Variants in TLE7 observed in about 807,000 individuals in gnomAD.
The protein encoded by TLE7 is transducin-like enhancer protein 7.
chr16:71,430,617 G>T, intron 9 of TLE7, 51 bp downstream of exon 9: 1 of 398,356 alleles, frequency 2.5e-6, no homozygotes, highest in South Asian at 1.3e-4. Context: ...CTGGGACCTG[G>T]AGCTACAAGC....
chr16:71,438,227 G>A (rs924895480), intron 1 of TLE7, among the ~76,000 whole-genome samples: 1 of 152,026 alleles, frequency 6.6e-6, no homozygotes, highest in Non-Finnish European at 1.5e-5. Context: ...GAGGTCACGA[G>A]TTCGAGACCA....
At position 71,431,398 on chromosome 16, in the gene TLE7, G is replaced by A; in HGVS notation, c.993+23C>T. On this transcript the variant is annotated intron_variant, in intron 7 of 9. Coordinates refer to ENST00000561754, the MANE Select transcript of TLE7 (RefSeq NM_001367365.2). This position sits in a 1 kb window ranked among gnomAD's most constrained non-coding sequence, Gnocchi z 4.5. ...ATGGCTCCACTACAGGTGGCATTCT[G>A]CCAGTGGTGGCCAGCCGGGCACCTC... The A allele has an allele frequency of 2.5e-6, 1 of 400,426 alleles. No individual in the cohort carries two copies. The allele number at this position is 400,426 out of a possible 1,614,324, so 24.8% of individuals were successfully genotyped here.
chr16:71,437,461 GGAGAA>G (rs141786069), intron 1 of TLE7, among the ~76,000 whole-genome samples: 21,557 of 150,658 alleles, frequency 0.14, 1,728 homozygotes, highest in Non-Finnish European at 0.18. Context: ...GAAAGAGAAG[GGAGAA>G]GAGAAGAGAA....
Position 71,431,989 on chromosome 16 carries a change from C to T in TLE7, c.623G>A (p.Arg208His), listed in dbSNP as rs1344756307. 7 of 400,784 alleles carry T rather than the reference C, an allele frequency of 1.7e-5. No individual in the cohort carries two copies. Among genetic ancestry groups the T allele is most frequent in the Non-Finnish European group, 3.1e-5 (7 of 226,268 alleles). The allele number at this position is 400,784 out of a possible 1,614,324, so 24.8% of individuals were successfully genotyped here. A position where few individuals can be genotyped will look rare whatever the true frequency, so the allele number is the denominator to read the frequency against. ...AQLDLQHPQD[R>H]VVTCKLFPDE... The stretch of plus-strand genomic sequence containing the variant: ...AGGGAACAGCTTGCAGGTAACAACA[C>T]GGTCCTGGGGATGCTGTAAGGAAGG... Residue 208 changes from arginine to histidine, a missense_variant, in exon 6 of 10, where the codon CGT (arginine) becomes CAT (histidine). By Grantham distance (29) the Arg-to-His change is conservative. Coordinates refer to ENST00000561754, the MANE Select transcript of TLE7 (RefSeq NM_001367365.2). The surrounding 1 kb of genome is among the most constrained non-coding windows in gnomAD (Gnocchi z 4.5).
Position 71,431,998 on chromosome 16 carries a change from G to A in TLE7, c.614C>T (p.Pro205Leu), listed in dbSNP as rs2042806326. ...APRAQLDLQH[P>L]QDRVVTCKLF... The stretch of plus-strand genomic sequence containing the variant: ...CTTGCAGGTAACAACACGGTCCTGG[G>A]GATGCTGTAAGGAAGGGTTCACACA... Residue 205 changes from proline to leucine, a missense_variant, in exon 6 of 10, where the codon CCC (proline) becomes CTC (leucine). Physicochemically the swap from Pro to Leu is moderately conservative, Grantham distance 98. Coordinates refer to ENST00000561754, the MANE Select transcript of TLE7 (RefSeq NM_001367365.2). This position sits in a 1 kb window ranked among gnomAD's most constrained non-coding sequence, Gnocchi z 4.5. 3 of 400,698 alleles carry A rather than the reference G, an allele frequency of 7.5e-6. No homozygotes were observed. In the Admixed American group the frequency reaches 1.3e-4, roughly 18 times the overall value. 24.8% of individuals were successfully genotyped at this position (400,698 alleles called of 1,614,324 possible).
rs1002272984 is a variant in TLE7 at position 71,431,251 on chromosome 16, G to A, written c.1017C>T (p.Pro339=). The A allele has an allele frequency of 3.5e-5, 14 of 399,998 alleles. No homozygotes were observed. Among genetic ancestry groups the A allele is most frequent in the East Asian group, 1.8e-4 (5 of 28,086 alleles). 24.8% of individuals were successfully genotyped at this position (399,998 alleles called of 1,614,324 possible). ...GGCCCGCCAATACCCATTCTTCACCGGGGTCGTGGGTAATGCTGAGGATCT... is the reference window on the plus strand; with the variant it reads ...GGCCCGCCAATACCCATTCTTCACCAGGGTCGTGGGTAATGCTGAGGATCT... ...QNEILSITHD[P]GEEWVLAGLR... Residue 339 remains proline (P), a synonymous_variant, in exon 8 of 10, where the codon CCC becomes CCT. Transcript: ENST00000561754. This position sits in a 1 kb window ranked among gnomAD's most constrained non-coding sequence, Gnocchi z 4.5.
chr16:71,432,563 C>A (rs1447095651), intron 4 of TLE7, 102 bp downstream of exon 4: 2 of 398,194 alleles, frequency 5.0e-6, no homozygotes, highest in Non-Finnish European at 4.4e-6. Flanking sequence ...GCCCAGGACA[C>A]CCCCCTACCT....
intron 1 of TLE7, among the ~76,000 whole-genome samples, chr16:71,440,109 A>G (rs912378504): frequency 6.6e-6 from 1 of 152,278 alleles, no homozygotes; most frequent in Non-Finnish European, 1.5e-5. Context: ...CAAAAGGCCA[A>G]TACTGCATGA....
intron 1 of TLE7, among the ~76,000 whole-genome samples, chr16:71,437,543 C>T (rs189873404): frequency 7.0e-6 from 1 of 143,048 alleles, no homozygotes; most frequent in East Asian, 1.9e-4. Context: ...CTAACAAGTT[C>T]CCGATGTGTT....
At position 71,438,681 on chromosome 16, in the gene TLE7, C is replaced by CAAA. The variant is rs71389663; in HGVS notation, c.-97+3285_-97+3287dup. ...TGGGTATCAGGGTGAGACTCCATCTCAAAAAAAAAAAAAAAAAAAGCGAAA... is the reference window on the plus strand; with the variant it reads ...TGGGTATCAGGGTGAGACTCCATCTCAAAAAAAAAAAAAAAAAAAAAAGCGAAA... On this transcript the variant is annotated intron_variant, in intron 1 of 9. Coordinates refer to ENST00000561754, the MANE Select transcript of TLE7 (RefSeq NM_001367365.2). 7.0e-3 allele frequency among the ~76,000 whole-genome samples: 458 copies of CAAA among 65,692 alleles called. 15 individuals carry two copies. Among genetic ancestry groups the CAAA allele is most frequent in the African/African-American group, 0.021 (421 of 19,864 alleles). The allele number at this position is 65,692 out of a possible 152,430, so 43.1% of individuals were successfully genotyped here. A position where few individuals can be genotyped will look rare whatever the true frequency, so the allele number is the denominator to read the frequency against.
At chr16:71,439,216 G>T (rs754009590) in intron 1 of TLE7, among the ~76,000 whole-genome samples, 1 of 152,168 alleles carries the variant, frequency 6.6e-6, no homozygotes, top group Non-Finnish European at 1.5e-5. Flanking sequence ...TAAAGGGGTG[G>T]GGTGTGTGAG....
rs572119666 is a variant in TLE7 at position 71,432,630 on chromosome 16, A to G, written c.393+35T>C. ...GTTTCTTGATTGGGGGTAGGTGGGAAAGGAAGGATCCTGAGTATGAAGTTG... is the reference window on the plus strand; with the variant it reads ...GTTTCTTGATTGGGGGTAGGTGGGAGAGGAAGGATCCTGAGTATGAAGTTG... On this transcript the variant is annotated intron_variant, in intron 4 of 9. Transcript: ENST00000561754. 7.5e-6 allele frequency: 3 copies of G among 398,816 alleles called. No individual in the cohort carries two copies. The South Asian group carries it at 3.8e-4, about 51-fold the overall frequency. The allele number at this position is 398,816 out of a possible 1,614,324, so 24.7% of individuals were successfully genotyped here.
In TLE7 at chr16:71,431,723, C is replaced by T. The variant is rs536290952; in HGVS notation, c.851+38G>A. ...AAAGAGCCTCACTGGCAAGCCCTCC[C>T]CCAGGTACACCTGAGTGGCTCTGGA... is the stretch of plus-strand genomic sequence containing the variant. On this transcript the variant is annotated intron_variant, in intron 6 of 9. Transcript: ENST00000561754. The surrounding 1 kb of genome is among the most constrained non-coding windows in gnomAD (Gnocchi z 4.5). 2.5e-6 allele frequency: 1 copy of T among 400,586 alleles called. No homozygotes were observed. Among genetic ancestry groups the T allele is most frequent in the Non-Finnish European group, 4.4e-6 (1 of 226,332 alleles). The allele number at this position is 400,586 out of a possible 1,614,324, so 24.8% of individuals were successfully genotyped here.
chr16:71,432,929 T>C, intron 2 of TLE7, 37 bp from the exon 3 acceptor site: 1 of 399,096 alleles, frequency 2.5e-6, no homozygotes. Flanking sequence ...GGAGACAGAG[T>C]GTGAGCCACA....
In TLE7 at chr16:71,431,233, C is replaced by A; in HGVS notation, c.1035G>T (p.Leu345Phe). The part of the protein sequence containing the change: ...ITHDPGEEWV[L>F]AGLRTSDIVF... ...CGATATCACTCGTTCTCAGGCCCGC[C>A]AATACCCATTCTTCACCGGGGTCGT... The change falls in exon 8 of 10, where the codon TTG becomes TTT. Residue 345 changes from leucine (L) to phenylalanine (F), a missense_variant. Physicochemically the swap from Leu to Phe is conservative, Grantham distance 22 (BLOSUM62 0). Coordinates refer to ENST00000561754, the MANE Select transcript of TLE7 (RefSeq NM_001367365.2). The surrounding 1 kb of genome is among the most constrained non-coding windows in gnomAD (Gnocchi z 4.5). 2.5e-6 allele frequency: 1 copy of A among 400,312 alleles called. No homozygotes were observed. Among genetic ancestry groups the A allele is most frequent in the East Asian group, 3.6e-5 (1 of 28,090 alleles). The allele number at this position is 400,312 out of a possible 1,614,324, so 24.8% of individuals were successfully genotyped here. A position where few individuals can be genotyped will look rare whatever the true frequency, so the allele number is the denominator to read the frequency against.
At chr16:71,437,573 C>T (rs969706213) in intron 1 of TLE7, among the ~76,000 whole-genome samples, 2 of 128,578 alleles carry the variant, frequency 1.6e-5, no homozygotes, top group Non-Finnish European at 3.6e-5. Flanking sequence ...GTTGCTGCTG[C>T]CACCAGGCTG....
chr16:71,434,083 T>A (rs551294242), intron 1 of TLE7, among the ~76,000 whole-genome samples: 1 of 152,084 alleles, frequency 6.6e-6, no homozygotes, highest in Admixed American at 6.5e-5. Flanking sequence ...CCTAGAGGGG[T>A]TGGAGGAAAC....
Position 71,431,615 on chromosome 16 carries a change from G to A in TLE7, c.852-53C>T, listed in dbSNP as rs1219051786. The A allele has an allele frequency of 3.7e-5, 15 of 400,616 alleles. No individual in the cohort carries two copies. Among genetic ancestry groups the A allele is most frequent in the Non-Finnish European group, 6.6e-5 (15 of 226,272 alleles). The allele number at this position is 400,616 out of a possible 1,614,324, so 24.8% of individuals were successfully genotyped here. ...GTCACTGAATGGTTTGGGCCCCCGG[G>A]AAGTTTCAGGGTCAGGAAGCCCCTA... is the stretch of plus-strand genomic sequence containing the variant. On this transcript the variant is annotated intron_variant, in intron 6 of 9. Transcript: ENST00000561754. This position sits in a 1 kb window ranked among gnomAD's most constrained non-coding sequence, Gnocchi z 4.5.
Position 71,431,256 on chromosome 16 carries a change from C to G in TLE7, c.1012G>C (p.Asp338His). The change falls in exon 8 of 10, where the codon GAC becomes CAC. Residue 338 changes from aspartate (D) to histidine (H), a missense_variant. Coordinates refer to ENST00000561754, the MANE Select transcript of TLE7 (RefSeq NM_001367365.2). This position sits in a 1 kb window ranked among gnomAD's most constrained non-coding sequence, Gnocchi z 4.5. ...LQNEILSITH[D>H]PGEEWVLAGL... ...GCCAATACCCATTCTTCACCGGGGT[C>G]GTGGGTAATGCTGAGGATCTGTTCG... The G allele has an allele frequency of 2.5e-6, 1 of 400,104 alleles. No individual in the cohort carries two copies. Among genetic ancestry groups the G allele is most frequent in the Admixed American group, 4.4e-5 (1 of 22,742 alleles). 24.8% of individuals were successfully genotyped at this position (400,104 alleles called of 1,614,324 possible). A position where few individuals can be genotyped will look rare whatever the true frequency, so the allele number is the denominator to read the frequency against.
Sources: gnomAD v4.1 joint callset for allele counts (sites outside exome capture counted in the v4.1 genomes callset) on GRCh38, gnomAD v4.1.1 for gene constraint, Gnocchi (gnomAD v3.1) non-coding constraint, MANE v1.5 for transcripts, NCBI Gene and HGNC (gene_info 2026-07-23, HGNC 2026-07-21) for gene names.